The following KIF26B variants were observed in gnomAD, a reference collection of about 807,000 sequenced individuals.
The protein encoded by KIF26B is kinesin-like protein KIF26B.
In KIF26B, 63 loss-of-function variants were observed where a neutral mutation model predicts 151.2. The observed-to-expected ratio is 0.42, with a 90% CI of 0.34 to 0.51. The LOEUF (loss-of-function observed/expected upper bound fraction) is 0.51. Ranked by LOEUF, KIF26B falls within the 20% of genes least tolerant of loss-of-function variation. The probability of loss-of-function intolerance (pLI) is 0.07; values close to 1 mark genes in which losing one functional copy is unlikely to be tolerated. For missense variants in KIF26B, 2,813 were observed against 2,913.6 expected (o/e 0.97, Z 0.79); for synonymous variants, 1,357 against 1,262.1 (o/e 1.08, Z -1.59).
chr1:245,412,723 T>G (rs1053275590), intron 3 of KIF26B, among the ~76,000 whole-genome samples: 3 of 152,222 alleles, frequency 2.0e-5, no homozygotes, highest in South Asian at 2.1e-4. Flanking sequence ...CTCCTCATAC[T>G]GAGGTATCAG....
intron 4 of KIF26B, among the ~76,000 whole-genome samples, chr1:245,442,460 G>A (rs1296457982): frequency 6.6e-6 from 1 of 152,168 alleles, no homozygotes; most frequent in Admixed American, 6.5e-5. Context: ...TTCTCTGCAA[G>A]TGATTTATTA....
chr1:245,709,327 T>C lies in KIF26B; in HGVS notation c.*6721T>C, dbSNP rs2044878239. On this transcript the variant is annotated 3_prime_UTR_variant, in exon 15 of 15. Coordinates refer to ENST00000407071, the MANE Select transcript of KIF26B (RefSeq NM_018012.4). The stretch of plus-strand genomic sequence containing the variant: ...TAAAGACATTGTTTGCTGGCTACGA[T>C]CTCTGACTTTTTGTGGCATATGAGG... 6.6e-6 allele frequency: 1 copy of C among 152,218 alleles called. No individual in the cohort carries two copies. Among genetic ancestry groups the C allele is most frequent in the African/African-American group, 2.4e-5 (1 of 41,462 alleles). The allele number at this position is 152,218 out of a possible 1,614,324, so 9.4% of individuals were successfully genotyped here.
At chr1:245,340,810 G>C (rs981772042) in intron 2 of KIF26B, among the ~76,000 whole-genome samples, 2 of 152,168 alleles carry the variant, frequency 1.3e-5, no homozygotes, top group African/African-American at 4.8e-5. Context: ...TCAATGTGGA[G>C]ACAGACTTGG....
intron 3 of KIF26B, among the ~76,000 whole-genome samples, chr1:245,409,565 G>A (rs1207946178): frequency 6.6e-6 from 1 of 152,198 alleles, no homozygotes; most frequent in Non-Finnish European, 1.5e-5. Context: ...GCCAGTTGTG[G>A]AATTCTCTTT....
At chr1:245,428,196 C>G (rs1463549870) in intron 4 of KIF26B, among the ~76,000 whole-genome samples, 1 of 152,190 alleles carries the variant, frequency 6.6e-6, no homozygotes, top group South Asian at 2.1e-4. Context: ...CGTAGCTTTA[C>G]TCTGCTTAGA....
Position 245,602,861 on chromosome 1 carries a change from C to T in KIF26B, c.1557+78C>T, listed in dbSNP as rs985118402. 1.6e-5 allele frequency: 21 copies of T among 1,336,950 alleles called. No homozygotes were observed. In the African/African-American group the frequency reaches 2.6e-4, roughly 16 times the overall value. 82.8% of individuals were successfully genotyped at this position (1,336,950 alleles called of 1,614,324 possible). ...TTACTCATTCACAAGGGCCCTTGAG[C>T]TGGGAGGGTGTCTTCTGGAGCATTC... On this transcript the variant is annotated intron_variant, in intron 6 of 14. Coordinates refer to ENST00000407071, the MANE Select transcript of KIF26B (RefSeq NM_018012.4). This position sits in a 1 kb window ranked among gnomAD's most constrained non-coding sequence, Gnocchi z 4.5.
intron 5 of KIF26B, among the ~76,000 whole-genome samples, chr1:245,598,542 A>G (rs1354700002): frequency 6.6e-6 from 1 of 152,140 alleles, no homozygotes; most frequent in African/African-American, 2.4e-5. Context: ...TGCTGTGATC[A>G]CGTGTAGTGG....
intron 4 of KIF26B, among the ~76,000 whole-genome samples, chr1:245,537,633 A>C (rs1319484107): frequency 6.6e-6 from 1 of 152,212 alleles, no homozygotes. Flanking sequence ...TTTAGCCAAC[A>C]AAACTTCCTG....
intron 4 of KIF26B, among the ~76,000 whole-genome samples, chr1:245,498,520 A>T (rs1194109088): frequency 1.3e-5 from 2 of 152,202 alleles, no homozygotes; most frequent in African/African-American, 4.8e-5. Context: ...GCAGTTGGCA[A>T]TCAGAGCGTG....
chr1:245,431,996 C>T (rs558335441), intron 4 of KIF26B, among the ~76,000 whole-genome samples: 2 of 152,170 alleles, frequency 1.3e-5, no homozygotes, highest in African/African-American at 4.8e-5. Context: ...ATTCCCTCCC[C>T]CTAGGCTTTG....
intron 5 of KIF26B, among the ~76,000 whole-genome samples, chr1:245,550,344 T>C (rs954019558): frequency 2.0e-5 from 3 of 152,246 alleles, no homozygotes; most frequent in African/African-American, 7.2e-5. Context: ...TGCTAGCTTC[T>C]TCAGTTTCCG....
chr1:245,576,678 G>C (rs2043121688), intron 5 of KIF26B, among the ~76,000 whole-genome samples: 1 of 152,166 alleles, frequency 6.6e-6, no homozygotes. Context: ...TTTCAGTAGG[G>C]CTTGGGAAAG....
intron 4 of KIF26B, among the ~76,000 whole-genome samples, chr1:245,539,162 T>G (rs570225518): frequency 6.6e-6 from 1 of 152,322 alleles, no homozygotes; most frequent in South Asian, 2.1e-4. Flanking sequence ...ATTTCACTCT[T>G]GTGAAACAGA....
chr1:245,388,150 A>G (rs1673598489), intron 3 of KIF26B, among the ~76,000 whole-genome samples: 1 of 152,092 alleles, frequency 6.6e-6, no homozygotes, highest in Non-Finnish European at 1.5e-5. Context: ...TTCCATTAGT[A>G]TTTGGAGAAA....
Position 245,681,500 on chromosome 1 carries a change from C to T in KIF26B, c.2259-2733C>T, listed in dbSNP as rs143476378. Among the ~76,000 whole-genome samples the T allele has an allele frequency of 5.4e-3, 829 of 152,272 alleles. 5 individuals carry two copies. The highest frequency in any genetic ancestry group is 0.01 in the Middle Eastern group (3 of 294). ...CTGGGATTACAGGCATGAGCCACCG[C>T]GCCCGGCCGGTCTTTGGTATGTTTT... On this transcript the variant is annotated intron_variant, in intron 10 of 14. Coordinates refer to ENST00000407071, the MANE Select transcript of KIF26B (RefSeq NM_018012.4).
chr1:245,671,027 C>A (rs1229255778), intron 10 of KIF26B, among the ~76,000 whole-genome samples: 2 of 152,178 alleles, frequency 1.3e-5, no homozygotes, highest in African/African-American at 4.8e-5. Context: ...TGGTAACCAT[C>A]CTTCTACTCT....
chr1:245,196,346 C>T lies in KIF26B; in HGVS notation c.465+39663C>T, dbSNP rs1187127896. Among the ~76,000 whole-genome samples the T allele has an allele frequency of 2.6e-5, 4 of 152,156 alleles. No homozygotes were observed. The East Asian group carries it at 7.7e-4, about 29-fold the overall frequency. On this transcript the variant is annotated intron_variant, in intron 2 of 14. Coordinates refer to ENST00000407071, the MANE Select transcript of KIF26B (RefSeq NM_018012.4). ...CATTTTCTTCCCATTCCTAATAGCT[C>T]TGAAAACAACCTTCCACTGTGTTTC...
At chr1:245,171,562 T>G (rs767134405) in intron 2 of KIF26B, among the ~76,000 whole-genome samples, 1 of 152,162 alleles carries the variant, frequency 6.6e-6, no homozygotes, top group Non-Finnish European at 1.5e-5. Context: ...AATTCTTACA[T>G]GGGACAAAAA....
Position 245,516,144 on chromosome 1 carries a change from C to G in KIF26B, c.1167-24623C>G, listed in dbSNP as rs1201978969. On this transcript the variant is annotated intron_variant, in intron 4 of 14. Transcript: ENST00000407071. The surrounding 1 kb of genome is among the most constrained non-coding windows in gnomAD (Gnocchi z 4.2). The stretch of plus-strand genomic sequence containing the variant: ...CTAAAGAGAATGGCACCGTATTGCT[C>G]TCTCTTTCTGAACCCGGACTTGCAG... Among the ~76,000 whole-genome samples, 1 of 152,148 alleles carries G rather than the reference C, an allele frequency of 6.6e-6. No individual in the cohort carries two copies. Among genetic ancestry groups the G allele is most frequent in the African/African-American group, 2.4e-5 (1 of 41,426 alleles).
Sources: gnomAD v4.1 joint callset for allele counts (sites outside exome capture counted in the v4.1 genomes callset) on GRCh38, gnomAD v4.1.1 for gene constraint, Gnocchi (gnomAD v3.1) non-coding constraint, MANE v1.5 for transcripts, NCBI Gene and HGNC (gene_info 2026-07-23, HGNC 2026-07-21) for gene names.